GIT2: variants seen among roughly 807,000 people sequenced by gnomAD.
GIT2 encodes ARF GTPase-activating protein GIT2.
In GIT2, 32 loss-of-function variants were observed where a neutral mutation model predicts 100.3. The ratio of observed to expected loss-of-function variants is 0.32; its 90% CI spans 0.24 to 0.43. The LOEUF is 0.43. Among genes scored for constraint, GIT2 ranks in the 20% least tolerant of loss-of-function variants. The probability of loss-of-function intolerance (pLI) is 1.00; values close to 1 mark genes in which losing one functional copy is unlikely to be tolerated. For missense variants in GIT2, 737 were observed against 975.1 expected (o/e 0.76, Z 3.25); for synonymous variants, 353 against 364.1 (o/e 0.97, Z 0.35).
At chr12:109,957,742 G>A (rs7979084) in intron 12 of GIT2, among the ~76,000 whole-genome samples, 104 of 152,054 alleles carry the variant, frequency 6.8e-4, no homozygotes, top group African/African-American at 2.0e-3. Context: ...TCCTGAACTC[G>A]TGATCCGCCT....
chr12:109,941,099 G>A lies in GIT2; in HGVS notation c.1732-1852C>T, dbSNP rs182921010. ...CAGGGCGCATGTTCTCTCCTCTGTC[G>A]GCTGAGGTCTTCCATCCACACCTCC... is the stretch of plus-strand genomic sequence containing the variant. On this transcript the variant is annotated intron_variant, in intron 16 of 19. Transcript: ENST00000355312. 2.7e-3 allele frequency among the ~76,000 whole-genome samples: 410 copies of A among 152,096 alleles called. 3 individuals are homozygous for A. The highest frequency in any genetic ancestry group is 1.4e-3 in the Non-Finnish European group (92 of 67,998).
At chr12:110,000,023 T>A (rs956632487), upstream of GIT2, among the ~76,000 whole-genome samples, 10 of 152,318 alleles carry the variant, frequency 6.6e-5, no homozygotes, top group Non-Finnish European at 1.3e-4. Context: ...TACTGTTACT[T>A]TTCCACTGGA....
rs1881125383 is a variant in GIT2 at position 109,961,671 on chromosome 12, C to T, written c.831G>A (p.Leu277=). The change falls in exon 10 of 20, where the codon TTG becomes TTA. Residue 277 remains leucine (L), a synonymous_variant. Coordinates refer to ENST00000355312, the MANE Select transcript of GIT2 (RefSeq NM_057169.5). ...ACACATCCATGGCAAGTTCTTCAAA[C>T]AAATGATTACTTAGCTGAAAATAAA... ...KKKLQSLSNH[L]FEELAMDVYD... is the part of the protein sequence containing the mutation. The T allele has an allele frequency of 6.3e-7, 1 of 1,590,372 alleles. No homozygotes were observed. The highest frequency in any genetic ancestry group is 8.6e-7 in the Non-Finnish European group (1 of 1,158,680).
Position 109,951,260 on chromosome 12 carries a change from G to C in GIT2, c.1299C>G (p.Val433=). 1 of 1,611,238 alleles carries C rather than the reference G, an allele frequency of 6.2e-7. No individual in the cohort carries two copies. The highest frequency in any genetic ancestry group is 8.5e-7 in the Non-Finnish European group (1 of 1,177,388). Residue 433 remains valine, a synonymous_variant, in exon 14 of 20, where the codon GTC becomes GTG. Coordinates refer to ENST00000355312, the MANE Select transcript of GIT2 (RefSeq NM_057169.5). ...GPVTVQEFME[V]KNALVASEAK... is the part of the protein sequence containing the mutation. ...CCTCAGAAGCCACTAGAGCGTTTTT[G>C]ACCTCCATAAATTCCTGTACAGTGA...
intron 1 of GIT2, 161 bp downstream of exon 1, chr12:109,996,012 C>T (rs1435668747): frequency 8.3e-6 from 4 of 483,906 alleles, no homozygotes; most frequent in Non-Finnish European, 1.4e-5. Flanking sequence ...CCTGCCCGCC[C>T]GGCTCTGACA....
intron 1 of GIT2, 87 bp from the exon 2 acceptor site, chr12:109,991,847 T>A: frequency 8.0e-7 from 1 of 1,246,610 alleles, no homozygotes. Context: ...GTTTGGTTTG[T>A]CAGAAAAAGG....
At position 109,959,889 on chromosome 12, in the gene GIT2, C is replaced by T. The variant is rs867684641; in HGVS notation, c.1057G>A (p.Ala353Thr). Residue 353 changes from alanine (A) to threonine (T), a missense_variant, in exon 12 of 20, where the codon GCC (alanine) becomes ACC (threonine). Physicochemically the swap from Ala to Thr is moderately conservative, Grantham distance 58. Transcript: ENST00000355312. ...GAACTGCCCTGCTGTCTCCTCTTGG[C>T]GTCACTGAGAATGTCAATGACCAGC... ...ATLVIDILSD[A>T]KRRQQGSSLS... The T allele has an allele frequency of 6.2e-6, 10 of 1,613,106 alleles. No homozygotes were observed. The highest frequency in any genetic ancestry group is 2.5e-6 in the Non-Finnish European group (3 of 1,179,240).
chr12:109,991,590 TA>T, intron 2 of GIT2, 36 bp downstream of exon 2: 1 of 1,568,810 alleles, frequency 6.4e-7, no homozygotes, highest in South Asian at 1.1e-5. Flanking sequence ...CCCTAAAATG[TA>T]AATTACCAAC....
upstream of GIT2, chr12:109,998,760 G>A (rs2137055425): frequency 6.6e-6 from 1 of 152,232 alleles, no homozygotes; most frequent in South Asian, 2.1e-4. Flanking sequence ...TCTCAACTGA[G>A]GACGATTTTT....
At chr12:109,957,871 C>T (rs898429153) in intron 12 of GIT2, among the ~76,000 whole-genome samples, 9 of 152,042 alleles carry the variant, frequency 5.9e-5, no homozygotes, top group Admixed American at 5.9e-4. Flanking sequence ...TGATGATTTC[C>T]CTTCAGTTAA....
At position 109,948,823 on chromosome 12, in the gene GIT2, T is replaced by C; in HGVS notation, c.1393-1319A>G. On this transcript the variant is annotated intron_variant, in intron 14 of 19. Coordinates refer to ENST00000355312, the MANE Select transcript of GIT2 (RefSeq NM_057169.5). The surrounding 1 kb of genome is among the most constrained non-coding windows in gnomAD (Gnocchi z 4.3). ...CACCAATAGTAGTTGCTCCTCTTCA[T>C]TAATTAGCATCTTTTCCAAGCAACT... is the stretch of plus-strand genomic sequence containing the variant. The C allele has an allele frequency of 1.2e-6, 2 of 1,603,634 alleles. No individual in the cohort carries two copies. The highest frequency in any genetic ancestry group is 1.7e-5 in the Admixed American group (1 of 58,582).
At chr12:109,987,444 C>G (rs1291202393) in intron 4 of GIT2, among the ~76,000 whole-genome samples, 1 of 151,902 alleles carries the variant, frequency 6.6e-6, no homozygotes, top group Non-Finnish European at 1.5e-5. Flanking sequence ...GCAAAAACCA[C>G]ATGATCATCT....
chr12:109,966,785 C>T (rs540099241), intron 8 of GIT2, among the ~76,000 whole-genome samples: 30 of 152,248 alleles, frequency 2.0e-4, no homozygotes, highest in African/African-American at 7.0e-4. Flanking sequence ...ACTTGCAAAA[C>T]AAGGGTTTAA....
intron 7 of GIT2, among the ~76,000 whole-genome samples, chr12:109,973,860 G>A (rs1884481400): frequency 6.6e-6 from 1 of 151,844 alleles, no homozygotes; most frequent in Admixed American, 6.6e-5. Context: ...TGGCCAACAT[G>A]GTAAAACTCC....
intron 1 of GIT2, among the ~76,000 whole-genome samples, chr12:109,994,622 A>G (rs564864620): frequency 1.3e-5 from 2 of 152,340 alleles, no homozygotes; most frequent in South Asian, 4.1e-4. Flanking sequence ...AAGCGATACA[A>G]TGGAAGAGAA....
chr12:109,938,824 T>C (rs931025579), intron 17 of GIT2: 8 of 507,974 alleles, frequency 1.6e-5, no homozygotes, highest in Non-Finnish European at 1.7e-5. Context: ...GCGGGGAGGG[T>C]GTTTGTTTAT....
intron 16 of GIT2, among the ~76,000 whole-genome samples, chr12:109,941,277 T>C (rs1166370257): frequency 1.3e-5 from 2 of 152,236 alleles, no homozygotes; most frequent in Admixed American, 6.5e-5. Flanking sequence ...TCTGTAAAGC[T>C]AATTTCTGTA....
At chr12:109,989,429 A>G (rs940287224) in intron 3 of GIT2, among the ~76,000 whole-genome samples, 2 of 152,160 alleles carry the variant, frequency 1.3e-5, no homozygotes, top group Non-Finnish European at 2.9e-5. Flanking sequence ...TTTGAGTATA[A>G]GTTTAAATCT....
intron 18 of GIT2, among the ~76,000 whole-genome samples, chr12:109,936,487 G>A (rs994438849): frequency 1.3e-5 from 2 of 152,224 alleles, no homozygotes; most frequent in African/African-American, 4.8e-5. Context: ...TTCTGAACTA[G>A]AGGAAATGAA....
Sources: allele counts gnomAD v4.1 joint callset (sites outside exome capture counted in the v4.1 genomes callset), GRCh38; gene constraint gnomAD v4.1.1; non-coding constraint Gnocchi (gnomAD v3.1); transcripts MANE v1.5; gene names NCBI Gene and HGNC (gene_info 2026-07-23, HGNC 2026-07-21).